LTBP1: variants seen among roughly 807,000 people sequenced by gnomAD.
The protein encoded by LTBP1 is latent-transforming growth factor beta-binding protein 1.
Under a neutral mutation model 207.6 loss-of-function variants are expected in LTBP1, and 129 were observed. That is an observed-to-expected ratio of 0.62 (90% CI 0.54 to 0.72). LTBP1 has a LOEUF of 0.72. Among genes scored for constraint, LTBP1 ranks in the 30% least tolerant of loss-of-function variants. The pLI, the probability that LTBP1 is intolerant of heterozygous loss-of-function variation, is 0.00. For synonymous variants in LTBP1, 963 were observed against 833.7 expected (o/e 1.16, Z -2.67); for missense variants, 2,281 against 2,217.2 (o/e 1.03, Z -0.58).
chr2:33,267,244 A>G (rs576022228), intron 15 of LTBP1, among the ~76,000 whole-genome samples: 1 of 152,226 alleles, frequency 6.6e-6, no homozygotes, highest in African/African-American at 2.4e-5. Flanking sequence ...CACACCCCTC[A>G]CTGCTCCACA....
At chr2:32,982,777 A>C (rs2148739793) in intron 2 of LTBP1, among the ~76,000 whole-genome samples, 1 of 152,352 alleles carries the variant, frequency 6.6e-6, no homozygotes, top group South Asian at 2.1e-4. Flanking sequence ...CTGTGGGTGC[A>C]CAGAAGTCAA....
At chr2:33,074,105 C>T (rs1317487593) in intron 3 of LTBP1, among the ~76,000 whole-genome samples, 1 of 152,148 alleles carries the variant, frequency 6.6e-6, no homozygotes, top group African/African-American at 2.4e-5. Context: ...AAGTGCAGAT[C>T]GTCCGAAACT....
intron 3 of LTBP1, among the ~76,000 whole-genome samples, chr2:33,074,805 G>T (rs2077988679): frequency 6.6e-6 from 1 of 151,468 alleles, no homozygotes; most frequent in African/African-American, 2.4e-5. Context: ...AGGAGGTGGA[G>T]GTTGCAGTCA....
At chr2:33,393,386 C>T (rs1309976645) in intron 32 of LTBP1, among the ~76,000 whole-genome samples, 1 of 151,722 alleles carries the variant, frequency 6.6e-6, no homozygotes, top group East Asian at 1.9e-4. Context: ...CGGTGTGCTG[C>T]ACCCATTAAC....
At chr2:33,261,240 A>T (rs1421505531) in intron 13 of LTBP1, among the ~76,000 whole-genome samples, 3 of 152,152 alleles carry the variant, frequency 2.0e-5, no homozygotes, top group Non-Finnish European at 4.4e-5. Context: ...CCTCACGGTG[A>T]TGGGGGAAAT....
At chr2:33,339,038 T>C (rs1375065905) in intron 24 of LTBP1, among the ~76,000 whole-genome samples, 1 of 148,750 alleles carries the variant, frequency 6.7e-6, no homozygotes. Flanking sequence ...AGGTGGAGAA[T>C]GGATAGAGGG....
chr2:33,021,740 T>C (rs1379546857), intron 3 of LTBP1, among the ~76,000 whole-genome samples: 3 of 152,106 alleles, frequency 2.0e-5, no homozygotes, highest in Non-Finnish European at 2.9e-5. Context: ...CCAGTTGCCG[T>C]GTGGGTCCAT....
chr2:33,278,875 A>G (rs2093500692), intron 18 of LTBP1, among the ~76,000 whole-genome samples: 1 of 152,236 alleles, frequency 6.6e-6, no homozygotes, highest in Admixed American at 6.5e-5. Flanking sequence ...CTGATAGAAA[A>G]AAAATTACAA....
intron 3 of LTBP1, among the ~76,000 whole-genome samples, chr2:33,032,541 G>A (rs927735498): frequency 6.6e-6 from 1 of 152,076 alleles, no homozygotes; most frequent in Non-Finnish European, 1.5e-5. Flanking sequence ...TCCTGTATTG[G>A]TGAACTGGAA....
Position 33,052,491 on chromosome 2 carries a change from G to A in LTBP1, c.863+31285G>A, listed in dbSNP as rs146077801. 4.1e-3 allele frequency among the ~76,000 whole-genome samples: 629 copies of A among 152,224 alleles called. 13 individuals carry two copies. Among genetic ancestry groups the A allele is most frequent in the Admixed American group, 0.033 (511 of 15,296 alleles). ...AGAGAAATGGATTTTTTTAAAAACCGAAATAATTAAAATCTAGTGTTACAT... is the reference window on the plus strand; with the variant it reads ...AGAGAAATGGATTTTTTTAAAAACCAAAATAATTAAAATCTAGTGTTACAT... On this transcript the variant is annotated intron_variant, in intron 3 of 33. Coordinates refer to ENST00000404816, the MANE Select transcript of LTBP1 (RefSeq NM_206943.4).
chr2:33,019,447 T>C (rs942557026), intron 2 of LTBP1, among the ~76,000 whole-genome samples: 3 of 147,640 alleles, frequency 2.0e-5, no homozygotes, highest in Non-Finnish European at 3.0e-5. Context: ...GTGATTCTCC[T>C]ACCTCAGCCT....
intron 2 of LTBP1, among the ~76,000 whole-genome samples, chr2:32,958,030 C>A (rs899572534): frequency 1.3e-5 from 2 of 152,118 alleles, no homozygotes; most frequent in Non-Finnish European, 2.9e-5. Flanking sequence ...CCTCTTCCTC[C>A]CCTTACTTGG....
intron 19 of LTBP1, among the ~76,000 whole-genome samples, chr2:33,281,210 C>T (rs1160722400): frequency 2.0e-5 from 3 of 152,168 alleles, no homozygotes; most frequent in African/African-American, 7.2e-5. Context: ...TGCACTCAAA[C>T]ATCTCACAGA....
chr2:33,009,766 C>T (rs1687412241), intron 2 of LTBP1, among the ~76,000 whole-genome samples: 1 of 152,112 alleles, frequency 6.6e-6, no homozygotes, highest in Non-Finnish European at 1.5e-5. Context: ...ATGGCCGTCC[C>T]TTTTAAGGCA....
intron 5 of LTBP1, among the ~76,000 whole-genome samples, chr2:33,137,954 T>C (rs79583214): frequency 0.061 from 9,237 of 152,190 alleles, 442 homozygotes; most frequent in East Asian, 0.26. Context: ...GAAGGCTGGC[T>C]GGGATAACAG....
intron 5 of LTBP1, among the ~76,000 whole-genome samples, chr2:33,182,699 TACAC>T (rs377663333): frequency 0.025 from 1,949 of 78,824 alleles, 356 homozygotes; most frequent in South Asian, 0.038. Flanking sequence ...TATATATATA[TACAC>T]ACACACACAC....
chr2:33,335,212 C>G (rs937909514), intron 24 of LTBP1, among the ~76,000 whole-genome samples: 1 of 149,662 alleles, frequency 6.7e-6, no homozygotes, highest in Admixed American at 6.6e-5. Context: ...GGCCAGCCTT[C>G]TTTTCTAGAA....
chr2:33,200,454 A>G (rs948297118), intron 7 of LTBP1, among the ~76,000 whole-genome samples: 2 of 152,240 alleles, frequency 1.3e-5, no homozygotes, highest in African/African-American at 2.4e-5. Flanking sequence ...TCTCTTCTTT[A>G]TACCTTATAC....
chr2:32,967,638 G>A (rs1389450086), intron 2 of LTBP1, among the ~76,000 whole-genome samples: 2 of 152,036 alleles, frequency 1.3e-5, no homozygotes, highest in African/African-American at 4.8e-5. Flanking sequence ...TCCAGTTATT[G>A]TTATAAATTT....
Sources: gnomAD v4.1 joint callset for allele counts (sites outside exome capture counted in the v4.1 genomes callset) on GRCh38, gnomAD v4.1.1 for gene constraint, MANE v1.5 for transcripts, NCBI Gene and HGNC (gene_info 2026-07-23, HGNC 2026-07-21) for gene names.